Variants in PRPF38A observed in about 807,000 individuals in gnomAD.
PRPF38A encodes pre-mRNA-splicing factor 38A.
A neutral mutation model predicts 46.8 loss-of-function variants in PRPF38A; 11 were observed. That is an observed-to-expected ratio of 0.24 (90% CI 0.15 to 0.39). The LOEUF (loss-of-function observed/expected upper bound fraction) is 0.39. Among genes scored for constraint, PRPF38A ranks in the 10% least tolerant of loss-of-function variants. The pLI is 1.00. For synonymous variants in PRPF38A, 124 were observed against 136.2 expected (o/e 0.91, Z 0.62); for missense variants, 261 against 407.5 (o/e 0.64, Z 3.10).
chr1:52,404,847 A>G lies in PRPF38A; in HGVS notation c.98A>G (p.Lys33Arg), dbSNP rs1647925601. The change falls in exon 1 of 10, where the codon AAG (lysine) becomes AGG (arginine). Residue 33 changes from lysine (K) to arginine (R), a missense_variant. By Grantham distance (26) the Lys-to-Arg change is conservative. Transcript: ENST00000257181. ...KIIRTRIYES[K>R]YWKEECFGLT... ...ATTCGAACGCGAATCTATGAGTCCA[A>G]GTACTGGAAAGAGGAGTGCTTTGGA... The G allele has an allele frequency of 6.2e-7, 1 of 1,614,240 alleles. No individual in the cohort carries two copies. Among genetic ancestry groups the G allele is most frequent in the South Asian group, 1.1e-5 (1 of 91,088 alleles).
At chr1:52,415,830 C>G (rs906252935) in intron 9 of PRPF38A, among the ~76,000 whole-genome samples, 3 of 119,430 alleles carry the variant, frequency 2.5e-5, no homozygotes, top group Non-Finnish European at 5.0e-5. Context: ...GTTGGGTGCA[C>G]TCTTTTTTTT....
intron 2 of PRPF38A, among the ~76,000 whole-genome samples, chr1:52,406,519 A>G (rs940519693): frequency 1.1e-4 from 17 of 150,728 alleles, no homozygotes; most frequent in Middle Eastern, 3.4e-3. Context: ...TCTGTTGCCC[A>G]TTAACTATGA....
At chr1:52,411,963 C>T (rs1049709378) in intron 4 of PRPF38A, among the ~76,000 whole-genome samples, 5 of 152,180 alleles carry the variant, frequency 3.3e-5, no homozygotes, top group East Asian at 1.9e-4. Context: ...GCTGGGACCA[C>T]GGGTACATGC....
chr1:52,415,110 T>C (rs1648252776), intron 8 of PRPF38A, among the ~76,000 whole-genome samples: 1 of 152,218 alleles, frequency 6.6e-6, no homozygotes, highest in Non-Finnish European at 1.5e-5. Context: ...ATATGATGTT[T>C]GTGAAATTAG....
At chr1:52,405,886 GT>G in intron 2 of PRPF38A, 47 bp downstream of exon 2, 1 of 1,548,288 alleles carries the variant, frequency 6.5e-7, no homozygotes, top group Non-Finnish European at 8.9e-7. Flanking sequence ...AATTTTGGCG[GT>G]TTAGAATTGG....
chr1:52,420,178 C>T lies in PRPF38A; in HGVS notation c.*3488C>T, dbSNP rs1444485856. The stretch of plus-strand genomic sequence containing the variant: ...CCAAAGTTGTCTTAAAATACAAAGG[C>T]TATAGATGTTCTCAAGTTTGTAAGA... On this transcript the variant is annotated 3_prime_UTR_variant, in exon 10 of 10. Coordinates refer to ENST00000257181, the MANE Select transcript of PRPF38A (RefSeq NM_032864.4). 6.6e-6 allele frequency: 1 copy of T among 152,162 alleles called. No individual in the cohort carries two copies. Among genetic ancestry groups the T allele is most frequent in the Non-Finnish European group, 1.5e-5 (1 of 68,026 alleles). 9.4% of individuals were successfully genotyped at this position (152,162 alleles called of 1,614,324 possible).
Position 52,415,343 on chromosome 1 carries a change from C to G in PRPF38A, c.853C>G (p.His285Asp), listed in dbSNP as rs1352069275. Residue 285 changes from histidine (H) to aspartate (D), a missense_variant, in exon 9 of 10, where the codon CAC (histidine) becomes GAC (aspartate). By Grantham distance (81) the His-to-Asp change is moderately conservative. This residue lies in a region of PRPF38A where 180 missense variants were observed against 221.0 expected (regional missense o/e 0.81). Coordinates refer to ENST00000257181, the MANE Select transcript of PRPF38A (RefSeq NM_032864.4). The stretch of plus-strand genomic sequence containing the variant: ...AATGGCCTTTTCTTCCCCAGGTCAT[C>G]ACCGTAGTCACAGACACAGGAGCCA... Reference protein sequence around the residue: ...HRSRSKSPGHHRSHRHRSHSK... With the variant: ...HRSRSKSPGHDRSHRHRSHSK... 1.2e-6 allele frequency: 2 copies of G among 1,613,868 alleles called. No homozygotes were observed. The highest frequency in any genetic ancestry group is 3.3e-5 in the Admixed American group (2 of 60,000).
intron 2 of PRPF38A, among the ~76,000 whole-genome samples, chr1:52,406,795 C>A (rs1648009773): frequency 6.6e-6 from 1 of 152,222 alleles, no homozygotes; most frequent in African/African-American, 2.4e-5. Flanking sequence ...CAACAACCTT[C>A]TAAACTTTTA....
At position 52,414,772 on chromosome 1, in the gene PRPF38A, C is replaced by T. The variant is rs766108009; in HGVS notation, c.760C>T (p.Arg254Cys). Residue 254 changes from arginine (R) to cysteine (C), a missense_variant, in exon 8 of 10, where the codon CGC (arginine) becomes TGC (cysteine). Physicochemically the swap from Arg to Cys is radical, Grantham distance 180 (BLOSUM62 -3). Around this residue, in one of 2 missense-constraint regions of PRPF38A, gnomAD observed 180 missense variants for 221.0 expected, o/e 0.81. Transcript: ENST00000257181. Reference protein sequence around the residue: ...RSPKRRSPSPRRERHRSKSPR... With the variant: ...RSPKRRSPSPCRERHRSKSPR... ...CAGTCTTTTCTACAGCCCCTCCCCT[C>T]GCCGAGAAAGGCATCGGAGCAAGAG... 4.3e-6 allele frequency: 7 copies of T among 1,613,996 alleles called. No homozygotes were observed. The highest frequency in any genetic ancestry group is 3.3e-5 in the South Asian group (3 of 91,082).
rs1357858944 is a variant in PRPF38A at position 52,420,510 on chromosome 1, AT to A, written c.*3822del. ...AATAGCCTCTTTATTGTTTTCCGTA[AT>A]TGTCCTTAATTTTAGGAGAAATCTT... On this transcript the variant is annotated 3_prime_UTR_variant, in exon 10 of 10. Transcript: ENST00000257181. 6.6e-6 allele frequency: 1 copy of A among 152,156 alleles called. No individual in the cohort carries two copies. The highest frequency in any genetic ancestry group is 2.4e-5 in the African/African-American group (1 of 41,436). 9.4% of individuals were successfully genotyped at this position (152,156 alleles called of 1,614,324 possible).
At chr1:52,404,966 T>TG (rs1279398936) in intron 1 of PRPF38A, 87 bp downstream of exon 1, 1 of 1,504,550 alleles carries the variant, frequency 6.6e-7, no homozygotes, top group Admixed American at 2.0e-5. Context: ...GACTGGCCTC[T>TG]GGGGGTGGTA....
intron 3 of PRPF38A, 51 bp from the exon 4 acceptor site, chr1:52,411,064 A>G: frequency 2.2e-6 from 3 of 1,359,158 alleles, no homozygotes; most frequent in Non-Finnish European, 3.2e-6. Context: ...ACTTTTTGGC[A>G]TCTAAATCTT....
At chr1:52,407,221 G>A (rs1472990109) in intron 2 of PRPF38A, among the ~76,000 whole-genome samples, 9 of 152,140 alleles carry the variant, frequency 5.9e-5, no homozygotes, top group Admixed American at 5.2e-4. Flanking sequence ...ATTTCACCGC[G>A]TTAGCCAGGA....
rs1327115620 is a variant in PRPF38A at position 52,418,227 on chromosome 1, A to G, written c.*1537A>G. On this transcript the variant is annotated 3_prime_UTR_variant, in exon 10 of 10. Transcript: ENST00000257181. ...TGGTTCCTTTCGTAATACCTGAGTT[A>G]ATAAAAGTGGTCTGAAAGAGCTCTT... The G allele has an allele frequency of 6.6e-6, 1 of 152,614 alleles. No individual in the cohort carries two copies. Among genetic ancestry groups the G allele is most frequent in the East Asian group, 1.9e-4 (1 of 5,206 alleles). The allele number at this position is 152,614 out of a possible 1,614,324, so 9.5% of individuals were successfully genotyped here.
At position 52,417,948 on chromosome 1, in the gene PRPF38A, A is replaced by G. The variant is rs1461394876; in HGVS notation, c.*1258A>G. The G allele has an allele frequency of 6.6e-6, 1 of 152,640 alleles. No individual in the cohort carries two copies. The highest frequency in any genetic ancestry group is 2.4e-5 in the African/African-American group (1 of 41,446). The allele number at this position is 152,640 out of a possible 1,614,324, so 9.5% of individuals were successfully genotyped here. On this transcript the variant is annotated 3_prime_UTR_variant, in exon 10 of 10. Coordinates refer to ENST00000257181, the MANE Select transcript of PRPF38A (RefSeq NM_032864.4). ...GACATCGATAATCAAGAGATTATTA[A>G]GATCTTTGCTAGAAGAGTTCCTTTA...
chr1:52,413,321 TGTCAACCGC>T (rs1648196792), intron 5 of PRPF38A, among the ~76,000 whole-genome samples: 1 of 152,144 alleles, frequency 6.6e-6, no homozygotes, highest in African/African-American at 2.4e-5. Context: ...AGGGGGAAAA[TGTCAACCGC>T]ATAGTCATGT....
chr1:52,406,170 G>A (rs985510170), intron 2 of PRPF38A, among the ~76,000 whole-genome samples: 1 of 151,850 alleles, frequency 6.6e-6, no homozygotes, highest in African/African-American at 2.4e-5. Flanking sequence ...TGTATTTTTA[G>A]TAGAGATGGG....
intron 5 of PRPF38A, 52 bp downstream of exon 5, chr1:52,412,676 G>T: frequency 8.1e-7 from 1 of 1,235,650 alleles, no homozygotes; most frequent in Non-Finnish European, 1.2e-6. Flanking sequence ...ATAGAAAATG[G>T]GAATGGTTTT....
rs767314636 is a variant in PRPF38A, at chr1:52,411,218, G to C, written c.498+18G>C. The stretch of plus-strand genomic sequence containing the variant: ...GACTACAGGTAAGAAATAAAAGTCT[G>C]TTACCAGAGTCACCCTTCTCTTCCT... On this transcript the variant is annotated intron_variant, in intron 4 of 9. Transcript: ENST00000257181. The C allele has an allele frequency of 2.6e-6, 4 of 1,567,930 alleles. No individual in the cohort carries two copies. Among genetic ancestry groups the C allele is most frequent in the Non-Finnish European group, 2.6e-6 (3 of 1,139,554 alleles).
Sources: gnomAD v4.1 joint callset for allele counts (sites outside exome capture counted in the v4.1 genomes callset) on GRCh38, gnomAD v4.1.1 for gene constraint, gnomAD v4.1.1 regional missense constraint, MANE v1.5 for transcripts, NCBI Gene and HGNC (gene_info 2026-07-23, HGNC 2026-07-21) for gene names.